Variants in IMMP2L observed in about 807,000 individuals in gnomAD.
IMMP2L encodes mitochondrial inner membrane protease subunit 2.
A neutral mutation model predicts 19.3 loss-of-function variants in IMMP2L; 18 were observed. The observed-to-expected ratio is 0.93, with a 90% CI of 0.64 to 1.38. The LOEUF (loss-of-function observed/expected upper bound fraction) is 1.38. Ranked by LOEUF, IMMP2L falls within the 40% of genes most tolerant of loss-of-function variation. The pLI, the probability that IMMP2L is intolerant of heterozygous loss-of-function variation, is 0.00. For synonymous variants in IMMP2L, 76 were observed against 73.0 expected, an observed-to-expected ratio of 1.04 and a Z score of -0.21; for missense variants, 233 against 218.2, an observed-to-expected ratio of 1.07 and a Z score of -0.43.
chr7:110,958,565 C>A (rs1002813530), intron 4 of IMMP2L, among the ~76,000 whole-genome samples: 1 of 151,988 alleles, frequency 6.6e-6, no homozygotes, highest in Non-Finnish European at 1.5e-5. Context: ...AATTGTAATG[C>A]CCCATTCTGG....
intron 2 of IMMP2L, among the ~76,000 whole-genome samples, chr7:111,509,780 G>A (rs911503712): frequency 6.6e-6 from 1 of 151,878 alleles, no homozygotes; most frequent in African/African-American, 2.4e-5. Flanking sequence ...AACTTTTTAG[G>A]AGAATAGTTC....
chr7:110,921,738 C>A (rs993398150), intron 4 of IMMP2L, among the ~76,000 whole-genome samples: 1 of 152,110 alleles, frequency 6.6e-6, no homozygotes, highest in Non-Finnish European at 1.5e-5. Flanking sequence ...AACAAATGTG[C>A]TTAACTACCC....
At chr7:111,551,236 A>C (rs1007490016) in intron 1 of IMMP2L, among the ~76,000 whole-genome samples, 1 of 152,160 alleles carries the variant, frequency 6.6e-6, no homozygotes, top group Non-Finnish European at 1.5e-5. Flanking sequence ...TGTGTGTGAC[A>C]AAGACCTATG....
At chr7:111,278,388 T>C (rs1411085154) in intron 3 of IMMP2L, among the ~76,000 whole-genome samples, 1 of 152,210 alleles carries the variant, frequency 6.6e-6, no homozygotes, top group Admixed American at 6.5e-5. Flanking sequence ...CCAGCCACTC[T>C]CAAACTCTTC....
intron 3 of IMMP2L, among the ~76,000 whole-genome samples, chr7:111,351,126 A>G (rs1260892749): frequency 1.3e-5 from 2 of 152,182 alleles, no homozygotes; most frequent in African/African-American, 4.8e-5. Context: ...ACTGGGAAAA[A>G]TATCTTGCAT....
chr7:111,048,769 G>T (rs769837578), intron 3 of IMMP2L, among the ~76,000 whole-genome samples: 1 of 152,118 alleles, frequency 6.6e-6, no homozygotes, highest in Non-Finnish European at 1.5e-5. Flanking sequence ...GTCAGAGCAG[G>T]ATATTAGGAA....
At chr7:111,025,729 G>T (rs555694725) in intron 3 of IMMP2L, among the ~76,000 whole-genome samples, 2 of 152,244 alleles carry the variant, frequency 1.3e-5, no homozygotes, top group East Asian at 3.9e-4. Flanking sequence ...GCCTAGTTGG[G>T]CATGATATTT....
At chr7:110,938,531 C>T (rs917620818) in intron 4 of IMMP2L, among the ~76,000 whole-genome samples, 4 of 151,990 alleles carry the variant, frequency 2.6e-5, no homozygotes, top group South Asian at 4.1e-4. Flanking sequence ...CCAAACATAC[C>T]CTCCAAAACT....
chr7:111,057,691 T>C (rs113616819), intron 3 of IMMP2L, among the ~76,000 whole-genome samples: 9 of 152,334 alleles, frequency 5.9e-5, no homozygotes, highest in Admixed American at 2.0e-4. Context: ...TTATGAGGAA[T>C]AGGCCTAACC....
chr7:110,717,023 A>G (rs73714327), intron 5 of IMMP2L, among the ~76,000 whole-genome samples: 16,946 of 152,244 alleles, frequency 0.11, 990 homozygotes, highest in Middle Eastern at 0.16. Flanking sequence ...ATGTTATAAG[A>G]ATATGAGGAA....
chr7:111,305,000 T>C (rs913397426), intron 3 of IMMP2L, among the ~76,000 whole-genome samples: 5 of 152,034 alleles, frequency 3.3e-5, no homozygotes, highest in East Asian at 1.9e-4. Context: ...TGGCTCCAGA[T>C]TTCAGATTTT....
intron 3 of IMMP2L, among the ~76,000 whole-genome samples, chr7:110,976,598 A>C (rs1188041988): frequency 6.6e-6 from 1 of 152,074 alleles, no homozygotes; most frequent in Non-Finnish European, 1.5e-5. Context: ...CATGAAAATA[A>C]ATGTGTCTAT....
At chr7:110,980,333 TTCTCCTGCCTCAGCCTC>T (rs1313222530) in intron 3 of IMMP2L, among the ~76,000 whole-genome samples, 2 of 148,006 alleles carry the variant, frequency 1.4e-5, no homozygotes, top group African/African-American at 5.0e-5. Context: ...GTTCACGCCA[TTCTCCTGCCTCAGCCTC>T]TCCGAGTAGC....
intron 3 of IMMP2L, among the ~76,000 whole-genome samples, chr7:111,284,616 G>T (rs960915575): frequency 6.6e-6 from 1 of 152,188 alleles, no homozygotes; most frequent in African/African-American, 2.4e-5. Flanking sequence ...CAGGTCAGTA[G>T]AGTTCAGAAT....
intron 5 of IMMP2L, among the ~76,000 whole-genome samples, chr7:110,831,566 G>A (rs1000796477): frequency 6.6e-6 from 1 of 152,034 alleles, no homozygotes; most frequent in African/African-American, 2.4e-5. Flanking sequence ...TTAGCCAAAA[G>A]ACACAAGCAG....
chr7:111,361,137 A>G (rs1170593225), intron 3 of IMMP2L, among the ~76,000 whole-genome samples: 1 of 152,122 alleles, frequency 6.6e-6, no homozygotes, highest in Non-Finnish European at 1.5e-5. Context: ...ACAATAAACT[A>G]TATTTAAATA....
At chr7:111,032,405 G>C (rs1290674216) in intron 3 of IMMP2L, among the ~76,000 whole-genome samples, 1 of 152,078 alleles carries the variant, frequency 6.6e-6, no homozygotes, top group African/African-American at 2.4e-5. Flanking sequence ...TTAAGAAAAT[G>C]AAAAACCAAG....
At chr7:110,936,796 A>T (rs1184280757) in intron 4 of IMMP2L, among the ~76,000 whole-genome samples, 1 of 152,198 alleles carries the variant, frequency 6.6e-6, no homozygotes, top group Non-Finnish European at 1.5e-5. Context: ...CTTGGAACCA[A>T]CCCAAATTCC....
chr7:111,425,123 G>T (rs1438324999), intron 3 of IMMP2L, among the ~76,000 whole-genome samples: 1 of 151,712 alleles, frequency 6.6e-6, no homozygotes, highest in Non-Finnish European at 1.5e-5. Flanking sequence ...TTTATTTAGG[G>T]ATTGCTTCCC....
Sources: allele counts gnomAD v4.1 joint callset (sites outside exome capture counted in the v4.1 genomes callset), GRCh38; gene constraint gnomAD v4.1.1; transcripts MANE v1.5; gene names NCBI Gene and HGNC (gene_info 2026-07-23, HGNC 2026-07-21).